HAAO: variants seen among roughly 807,000 people sequenced by gnomAD.
HAAO encodes the protein 3-hydroxyanthranilate 3,4-dioxygenase.
In HAAO, 49 loss-of-function variants were observed where a neutral mutation model predicts 46.2. That is an observed-to-expected ratio of 1.06 (90% CI 0.84 to 1.34). The LOEUF (loss-of-function observed/expected upper bound fraction) is 1.34, where lower values mean the gene tolerates loss of function less well. HAAO is among the 40% of genes most tolerant of loss of function. The probability of loss-of-function intolerance (pLI) is 0.00; values close to 1 mark genes in which losing one functional copy is unlikely to be tolerated. For synonymous variants in HAAO, 157 were observed against 145.2 expected (o/e 1.08, Z -0.58); for missense variants, 408 against 364.5 (o/e 1.12, Z -0.97).
At chr2:42,791,513 T>A (rs765600129) in intron 1 of HAAO, among the ~76,000 whole-genome samples, 2 of 152,056 alleles carry the variant, frequency 1.3e-5, no homozygotes, top group Non-Finnish European at 1.5e-5. Flanking sequence ...TAACCAAGAG[T>A]GTGCGTGGAC....
intron 4 of HAAO, among the ~76,000 whole-genome samples, chr2:42,778,554 C>G (rs1159394169): frequency 2.0e-5 from 3 of 152,142 alleles, no homozygotes; most frequent in African/African-American, 7.2e-5. Context: ...TGGTCTGAAA[C>G]TCTGACCTCA....
chr2:42,789,362 C>T (rs1027718202), intron 1 of HAAO, among the ~76,000 whole-genome samples: 3 of 152,104 alleles, frequency 2.0e-5, no homozygotes, highest in Admixed American at 2.0e-4. Flanking sequence ...GGATGTATTG[C>T]TTGAGGCCAC....
chr2:42,771,318 C>T (rs1000035950), intron 4 of HAAO, among the ~76,000 whole-genome samples: 2 of 151,890 alleles, frequency 1.3e-5, no homozygotes, highest in Admixed American at 1.3e-4. Context: ...ATCCCAGCTA[C>T]TTGGGAGGCC....
chr2:42,773,026 G>A (rs1267545445), intron 4 of HAAO, among the ~76,000 whole-genome samples: 4 of 151,848 alleles, frequency 2.6e-5, no homozygotes, highest in Admixed American at 2.6e-4. Flanking sequence ...CCTTTCAGAG[G>A]AAAAGAATTG....
chr2:42,783,436 T>G lies in HAAO; in HGVS notation c.244-16A>C, dbSNP rs756184710. 19 of 1,503,478 alleles carry G rather than the reference T, an allele frequency of 1.3e-5. No individual in the cohort carries two copies. Among genetic ancestry groups the G allele is most frequent in the Non-Finnish European group, 1.8e-5 (19 of 1,082,826 alleles). The allele number at this position is 1,503,478 out of a possible 1,614,324, so 93.1% of individuals were successfully genotyped here. A position where few individuals can be genotyped will look rare whatever the true frequency, so the allele number is the denominator to read the frequency against. ...GGAGGAATATCTGCAGTGGTAGAGA[T>G]AAGGTGCACAGTGAGGCTGCAATCC... On this transcript the variant is annotated splice_polypyrimidine_tract_variant and intron_variant, in intron 3 of 9. Transcript: ENST00000294973.
At chr2:42,787,025 C>T (rs1220885081) in intron 2 of HAAO, among the ~76,000 whole-genome samples, 1 of 152,132 alleles carries the variant, frequency 6.6e-6, no homozygotes, top group African/African-American at 2.4e-5. Context: ...AAGTGCTGCA[C>T]CACCCCGCCA....
rs1166125472 is a variant in HAAO, at chr2:42,767,697, G to C, written c.700-20C>G. 1 of 1,565,728 alleles carries C rather than the reference G, an allele frequency of 6.4e-7. No homozygotes were observed. Among genetic ancestry groups the C allele is most frequent in the Non-Finnish European group, 8.7e-7 (1 of 1,149,622 alleles). On this transcript the variant is annotated intron_variant, in intron 8 of 9. Transcript: ENST00000294973. ...GCCCTCCTGGAGAAGAGGAGCAGGA[G>C]AATCAAATGGAGACTGTTGGGCCTC...
At chr2:42,791,607 T>C (rs949848516) in intron 1 of HAAO, among the ~76,000 whole-genome samples, 1 of 151,432 alleles carries the variant, frequency 6.6e-6, no homozygotes, top group African/African-American at 2.4e-5. Context: ...CTTATGAAAA[T>C]CCCCCCTCAC....
chr2:42,768,147 A>G (rs898689428), intron 7 of HAAO, among the ~76,000 whole-genome samples: 1 of 152,236 alleles, frequency 6.6e-6, no homozygotes, highest in African/African-American at 2.4e-5. Context: ...TTGGGATCAC[A>G]CATGCCTGCC....
intron 1 of HAAO, among the ~76,000 whole-genome samples, chr2:42,790,580 G>A (rs1398728388): frequency 6.6e-6 from 1 of 151,410 alleles, no homozygotes; most frequent in Non-Finnish European, 1.5e-5. Context: ...CACCCAGGCT[G>A]GAATGCAGTG....
Position 42,767,423 on chromosome 2 carries a change from C to T in HAAO, c.*14G>A, listed in dbSNP as rs754516175. The T allele has an allele frequency of 1.0e-5, 16 of 1,600,170 alleles. No homozygotes were observed. The South Asian group carries it at 1.4e-4, about 14-fold the overall frequency. On this transcript the variant is annotated 3_prime_UTR_variant, in exon 10 of 10. Coordinates refer to ENST00000294973, the MANE Select transcript of HAAO (RefSeq NM_012205.3). ...TTGGCACACCTGTGGCTGCTTCAGG[C>T]CATGGCAAGAGGGTCACCCCAGGGG... is the stretch of plus-strand genomic sequence containing the variant.
In HAAO at chr2:42,767,631, G is replaced by T; in HGVS notation, c.746C>A (p.Ala249Asp). ...VTMGGRRLSL[A>D]PDDSLLVLAG... is the part of the protein sequence containing the mutation. The stretch of plus-strand genomic sequence containing the variant: ...TAGCACCAGGAGGCTGTCATCAGGG[G>T]CCAGGCTCAGGCGCCGTCCCCCCAT... Residue 249 changes from alanine (A) to aspartate (D), a missense_variant, in exon 9 of 10, where the codon GCC becomes GAC. Physicochemically the swap from Ala to Asp is moderately radical, Grantham distance 126. Coordinates refer to ENST00000294973, the MANE Select transcript of HAAO (RefSeq NM_012205.3). 1.3e-6 allele frequency: 2 copies of T among 1,571,940 alleles called. No homozygotes were observed. The highest frequency in any genetic ancestry group is 1.7e-6 in the Non-Finnish European group (2 of 1,157,862).
chr2:42,779,563 C>A (rs889799772), intron 4 of HAAO, among the ~76,000 whole-genome samples: 2 of 152,114 alleles, frequency 1.3e-5, no homozygotes, highest in Non-Finnish European at 2.9e-5. Flanking sequence ...CTCGTGATCC[C>A]CCCACCTCGG....
rs1312832736 is a variant in HAAO, at chr2:42,767,342, CAGAG to C, written c.*91_*94del. ...CTGTGGGGGACACAGCGGCAGTACA[CAGAG>C]AGGTAGTGGGGGCTGGGAGAGTTGT... On this transcript the variant is annotated 3_prime_UTR_variant, in exon 10 of 10. Transcript: ENST00000294973. 14 of 831,172 alleles carry C rather than the reference CAGAG, an allele frequency of 1.7e-5. No homozygotes were observed. Among genetic ancestry groups the C allele is most frequent in the Admixed American group, 7.9e-5 (4 of 50,896 alleles). 51.5% of individuals were successfully genotyped at this position (831,172 alleles called of 1,614,324 possible).
At chr2:42,772,933 C>CAAAAAAAA (rs530541628) in intron 4 of HAAO, among the ~76,000 whole-genome samples, 1 of 92,480 alleles carries the variant, frequency 1.1e-5, no homozygotes, top group African/African-American at 3.8e-5. Flanking sequence ...GCCCCCATAT[C>CAAAAAAAA]AAAAAAAAAA....
At chr2:42,785,912 A>G (rs1388727245) in intron 2 of HAAO, among the ~76,000 whole-genome samples, 1 of 152,086 alleles carries the variant, frequency 6.6e-6, no homozygotes, top group Admixed American at 6.6e-5. Context: ...CCCCATAAGC[A>G]TTATTTAATA....
Position 42,767,127 on chromosome 2 carries a change from T to G in HAAO, c.*310A>C. On this transcript the variant is annotated 3_prime_UTR_variant, in exon 10 of 10. Coordinates refer to ENST00000294973, the MANE Select transcript of HAAO (RefSeq NM_012205.3). The stretch of plus-strand genomic sequence containing the variant: ...AAGCCTTTATTGAGGGCCTTCTTGG[T>G]GTGGAAGTGCTGCACTGAGTCTGCA... The G allele has an allele frequency of 4.1e-6, 2 of 486,442 alleles. No individual in the cohort carries two copies. The highest frequency in any genetic ancestry group is 4.6e-5 in the South Asian group (2 of 43,768). 30.1% of individuals were successfully genotyped at this position (486,442 alleles called of 1,614,324 possible).
rs1365484168 is a variant in HAAO, at chr2:42,767,442, C to G, written c.856G>C (p.Gly286Arg). 1 of 1,611,530 alleles carries G rather than the reference C, an allele frequency of 6.2e-7. No homozygotes were observed. The highest frequency in any genetic ancestry group is 1.1e-5 in the South Asian group (1 of 90,722). ...TQDPACKKPLG is the reference protein window; with the variant it reads ...TQDPACKKPLR Reference sequence around the variant, plus strand: ...TTCAGGCCATGGCAAGAGGGTCACCCCAGGGGCTTCTTGCAGGCAGGGTCC... The same window carrying G: ...TTCAGGCCATGGCAAGAGGGTCACCGCAGGGGCTTCTTGCAGGCAGGGTCC... Residue 286 changes from glycine to arginine, a missense_variant, in exon 10 of 10, where the codon GGG becomes CGG. Transcript: ENST00000294973.
Position 42,783,655 on chromosome 2 carries a change from G to C in HAAO, c.243+129C>G, listed in dbSNP as rs1460078608. On this transcript the variant is annotated intron_variant, in intron 3 of 9. Transcript: ENST00000294973. The stretch of plus-strand genomic sequence containing the variant: ...AGGATGGGGAAGGGGCAGGTTGGCA[G>C]GGGAAGGTGTGGGAGAGCAGGAAAA... The C allele has an allele frequency of 6.2e-6, 5 of 806,706 alleles. No homozygotes were observed. In the East Asian group the frequency reaches 1.3e-4, roughly 22 times the overall value. 50.0% of individuals were successfully genotyped at this position (806,706 alleles called of 1,614,324 possible). A position where few individuals can be genotyped will look rare whatever the true frequency, so the allele number is the denominator to read the frequency against.
Sources: gnomAD v4.1 joint callset for allele counts (sites outside exome capture counted in the v4.1 genomes callset) on GRCh38, gnomAD v4.1.1 for gene constraint, MANE v1.5 for transcripts, NCBI Gene and HGNC (gene_info 2026-07-23, HGNC 2026-07-21) for gene names.